VSNL1: variants seen among roughly 807,000 people sequenced by gnomAD.
VSNL1 encodes the protein visinin-like protein 1.
In VSNL1, 6 loss-of-function variants were observed where a neutral mutation model predicts 20.4. The ratio of observed to expected loss-of-function variants is 0.29; its 90% CI spans 0.16 to 0.58. The LOEUF (loss-of-function observed/expected upper bound fraction) is 0.58, where lower values mean the gene tolerates loss of function less well. Among genes scored for constraint, VSNL1 ranks in the 20% least tolerant of loss-of-function variants. The pLI is 0.90. For missense variants in VSNL1, 100 were observed against 234.5 expected, an observed-to-expected ratio of 0.43 and a Z score of 3.75; for synonymous variants, 93 against 86.4, an observed-to-expected ratio of 1.08 and a Z score of -0.42.
intron 1 of VSNL1, among the ~76,000 whole-genome samples, chr2:17,577,942 T>C (rs939557111): frequency 5.9e-5 from 9 of 152,222 alleles, no homozygotes; most frequent in African/African-American, 2.2e-4. Flanking sequence ...ACCTTCTCGG[T>C]AAGCCTCATT....
At chr2:17,651,633 G>C (rs1037824329) in intron 3 of VSNL1, among the ~76,000 whole-genome samples, 3 of 152,204 alleles carry the variant, frequency 2.0e-5, no homozygotes, top group Admixed American at 6.5e-5. Context: ...GTGAGGGCTG[G>C]GCCAGCTCCC....
At chr2:17,552,033 C>G (rs1663550745) in intron 1 of VSNL1, among the ~76,000 whole-genome samples, 1 of 108,216 alleles carries the variant, frequency 9.2e-6, no homozygotes, top group Non-Finnish European at 2.2e-5. Flanking sequence ...CCCGTCTCTC[C>G]TAAAAAATAC....
intron 2 of VSNL1, among the ~76,000 whole-genome samples, chr2:17,620,980 CA>C (rs1371067051): frequency 1.3e-5 from 2 of 152,160 alleles, no homozygotes; most frequent in African/African-American, 4.8e-5. Flanking sequence ...TTTGTGTAAT[CA>C]AATGCTGATG....
At chr2:17,588,856 GA>G (rs947423892) in intron 1 of VSNL1, among the ~76,000 whole-genome samples, 2 of 151,698 alleles carry the variant, frequency 1.3e-5, no homozygotes, top group African/African-American at 2.4e-5. Flanking sequence ...CATTTTCTCA[GA>G]AAAAAAATAC....
intron 2 of VSNL1, among the ~76,000 whole-genome samples, chr2:17,641,558 C>A (rs890752121): frequency 6.6e-6 from 1 of 152,182 alleles, no homozygotes; most frequent in Non-Finnish European, 1.5e-5. Context: ...TACCCAAAAT[C>A]AAAATGCCAT....
At chr2:17,579,675 T>C (rs1664304336) in intron 1 of VSNL1, among the ~76,000 whole-genome samples, 1 of 152,148 alleles carries the variant, frequency 6.6e-6, no homozygotes. Flanking sequence ...AACTGAAACC[T>C]AGCTCTGGTG....
At chr2:17,631,201 A>G (rs1324007099) in intron 2 of VSNL1, among the ~76,000 whole-genome samples, 2 of 152,178 alleles carry the variant, frequency 1.3e-5, no homozygotes, top group African/African-American at 4.8e-5. Context: ...GAGAGAGAGG[A>G]AAGTATTAGA....
chr2:17,590,852 C>G (rs1664579057), intron 1 of VSNL1, among the ~76,000 whole-genome samples: 2 of 152,096 alleles, frequency 1.3e-5, no homozygotes, highest in Admixed American at 1.3e-4. Context: ...ATTCTTCAAC[C>G]CTAACTCAGT....
At chr2:17,565,833 G>A (rs1035586156) in intron 1 of VSNL1, among the ~76,000 whole-genome samples, 2 of 152,176 alleles carry the variant, frequency 1.3e-5, no homozygotes, top group African/African-American at 2.4e-5. Context: ...GGACCAGGTG[G>A]ACTTAATTGA....
chr2:17,592,297 T>C (rs936732383), intron 2 of VSNL1, 61 bp downstream of exon 2: 8 of 1,543,182 alleles, frequency 5.2e-6, no homozygotes, highest in African/African-American at 4.1e-5. Context: ...CTTCATGAAA[T>C]TGTACCCTCA....
At chr2:17,604,376 G>A (rs1033248481) in intron 2 of VSNL1, among the ~76,000 whole-genome samples, 4 of 152,226 alleles carry the variant, frequency 2.6e-5, no homozygotes, top group African/African-American at 4.8e-5. Context: ...AGCCTTTATC[G>A]GCAGAGGCCG....
At chr2:17,575,113 C>T (rs1664175425) in intron 1 of VSNL1, among the ~76,000 whole-genome samples, 1 of 152,202 alleles carries the variant, frequency 6.6e-6, no homozygotes, top group Non-Finnish European at 1.5e-5. Context: ...CAGGCATGAG[C>T]CACCATGCCC....
At chr2:17,578,132 T>C (rs985907751) in intron 1 of VSNL1, among the ~76,000 whole-genome samples, 3 of 152,240 alleles carry the variant, frequency 2.0e-5, no homozygotes, top group Non-Finnish European at 2.9e-5. Flanking sequence ...TAGTTATTAA[T>C]ATACACAATT....
chr2:17,579,002 C>T (rs150979942), intron 1 of VSNL1, among the ~76,000 whole-genome samples: 1 of 152,240 alleles, frequency 6.6e-6, no homozygotes, highest in Non-Finnish European at 1.5e-5. Context: ...TTTTGTGAAT[C>T]TTCTGTTGGC....
At chr2:17,640,680 C>T (rs1467362651) in intron 2 of VSNL1, among the ~76,000 whole-genome samples, 2 of 152,134 alleles carry the variant, frequency 1.3e-5, no homozygotes, top group Admixed American at 6.5e-5. Context: ...CAAATGTGTT[C>T]CACTTCTTTT....
At chr2:17,636,915 C>T (rs973673539) in intron 2 of VSNL1, among the ~76,000 whole-genome samples, 7 of 152,192 alleles carry the variant, frequency 4.6e-5, no homozygotes, top group African/African-American at 1.7e-4. Context: ...TCACAGAAAG[C>T]CAGACCTGGA....
intron 2 of VSNL1, among the ~76,000 whole-genome samples, chr2:17,614,267 C>T (rs1016378138): frequency 2.0e-5 from 3 of 152,262 alleles, no homozygotes; most frequent in Non-Finnish European, 4.4e-5. Context: ...ACTGAAGGCA[C>T]ACTTGCCTGT....
intron 2 of VSNL1, among the ~76,000 whole-genome samples, chr2:17,600,302 C>G (rs1664796232): frequency 6.6e-6 from 1 of 152,142 alleles, no homozygotes; most frequent in Non-Finnish European, 1.5e-5. Flanking sequence ...TTCGTGGGCT[C>G]TTGTTGAGAT....
At chr2:17,609,571 TC>T (rs1292374874) in intron 2 of VSNL1, among the ~76,000 whole-genome samples, 2 of 152,192 alleles carry the variant, frequency 1.3e-5, no homozygotes, top group Non-Finnish European at 2.9e-5. Flanking sequence ...TCAGCTTTCT[TC>T]CTTGCAGATG....
Sources: allele counts gnomAD v4.1 joint callset (sites outside exome capture counted in the v4.1 genomes callset), GRCh38; gene constraint gnomAD v4.1.1; transcripts MANE v1.5; gene names NCBI Gene and HGNC (gene_info 2026-07-23, HGNC 2026-07-21).